ULK4: variants seen among roughly 807,000 people sequenced by gnomAD.
ULK4 encodes inactive serine/threonine-protein kinase ULK4.
In ULK4, 133 loss-of-function variants were observed where a neutral mutation model predicts 160.6. That is an observed-to-expected ratio of 0.83 (90% CI 0.72 to 0.96). The LOEUF (loss-of-function observed/expected upper bound fraction) is 0.96. Among genes scored for constraint, ULK4 ranks in the 40% least tolerant of loss-of-function variants. The probability of loss-of-function intolerance (pLI) is 0.00; values close to 1 mark genes in which losing one functional copy is unlikely to be tolerated. For synonymous variants in ULK4, 534 were observed against 539.8 expected (o/e 0.99, Z 0.15); for missense variants, 1,580 against 1,499.5 (o/e 1.05, Z -0.89).
At chr3:41,604,130 T>C (rs1042608854) in intron 31 of ULK4, among the ~76,000 whole-genome samples, 14 of 151,900 alleles carry the variant, frequency 9.2e-5, no homozygotes, top group African/African-American at 3.4e-4. Context: ...GGAGAGGTAA[T>C]AGTAAAAGCA....
intron 35 of ULK4, among the ~76,000 whole-genome samples, chr3:41,375,232 C>A (rs933633322): frequency 2.0e-5 from 3 of 152,190 alleles, no homozygotes; most frequent in African/African-American, 7.2e-5. Flanking sequence ...AGATTCAATG[C>A]GATTCCCATC....
At chr3:41,939,499 T>TC (rs1229611770) in intron 2 of ULK4, among the ~76,000 whole-genome samples, 1 of 151,108 alleles carries the variant, frequency 6.6e-6, no homozygotes, top group East Asian at 2.0e-4. Context: ...AATTATCCTT[T>TC]TTTTCTTCTA....
intron 21 of ULK4, among the ~76,000 whole-genome samples, chr3:41,765,129 T>C (rs2039115795): frequency 6.6e-6 from 1 of 152,212 alleles, no homozygotes; most frequent in East Asian, 1.9e-4. Context: ...TGAGGCGCTA[T>C]TCACAATAGC....
In ULK4 at chr3:41,466,102, T is replaced by C. The variant is rs79409726; in HGVS notation, c.3227-2849A>G. On this transcript the variant is annotated intron_variant, in intron 32 of 36. Transcript: ENST00000301831. ...TTTGTATGCTCAATATGTCCTATCT[T>C]TGGCCACTAAGAGCTCCTTGAAAGT... Among the ~76,000 whole-genome samples the C allele has an allele frequency of 0.047, 7,088 of 152,266 alleles. 743 individuals are homozygous for C. In the East Asian group the frequency reaches 0.49, roughly 10 times the overall value.
intron 2 of ULK4, among the ~76,000 whole-genome samples, chr3:41,940,468 A>C (rs1699915410): frequency 6.6e-6 from 1 of 152,130 alleles, no homozygotes; most frequent in Non-Finnish European, 1.5e-5. Flanking sequence ...ACAAGCCTGG[A>C]CAATATAGTA....
Position 41,789,818 on chromosome 3 carries a change from G to A in ULK4, c.2036C>T (p.Ser679Phe). Reference sequence around the variant, plus strand: ...AATAACATTCTGGAAGGCAGTAGGAGAATGGCGAGTGATTCTACACAAGGC... The same window carrying A: ...AATAACATTCTGGAAGGCAGTAGGAAAATGGCGAGTGATTCTACACAAGGC... ...VSALCRITRHSPTAFQNVIEK... is the reference protein window; with the variant it reads ...VSALCRITRHFPTAFQNVIEK... Residue 679 changes from serine (S) to phenylalanine (F), a missense_variant, in exon 21 of 37, where the codon TCT becomes TTT. By Grantham distance (155) the Ser-to-Phe change is radical (BLOSUM62 -2). Coordinates refer to ENST00000301831, the MANE Select transcript of ULK4 (RefSeq NM_017886.4). 4.3e-6 allele frequency: 7 copies of A among 1,612,146 alleles called. No individual in the cohort carries two copies. Among genetic ancestry groups the A allele is most frequent in the Non-Finnish European group, 5.9e-6 (7 of 1,179,236 alleles).
chr3:41,360,874 G>GC (rs2081129038), intron 35 of ULK4, among the ~76,000 whole-genome samples: 1 of 151,884 alleles, frequency 6.6e-6, no homozygotes, highest in Admixed American at 6.6e-5. Context: ...CATAGCACAC[G>GC]TTTACCTATG....
intron 22 of ULK4, among the ~76,000 whole-genome samples, chr3:41,739,477 T>C (rs1283369912): frequency 6.6e-6 from 1 of 151,886 alleles, no homozygotes; most frequent in African/African-American, 2.4e-5. Flanking sequence ...AAATAATACA[T>C]TGTGTTGCAC....
intron 30 of ULK4, among the ~76,000 whole-genome samples, chr3:41,643,956 T>G (rs1216676262): frequency 6.6e-6 from 1 of 152,164 alleles, no homozygotes; most frequent in African/African-American, 2.4e-5. Context: ...TTGAAGCAAT[T>G]GTGAATGGGA....
rs578179676 is a variant in ULK4 at position 41,708,431 on chromosome 3, G to A, written c.2635-3126C>T. ...AAGTGAAAGGAGCCAGGCACAGAAA[G>A]ACAAATATCATGTGGTCTCACTTAC... On this transcript the variant is annotated intron_variant, in intron 25 of 36. Coordinates refer to ENST00000301831, the MANE Select transcript of ULK4 (RefSeq NM_017886.4). Among the ~76,000 whole-genome samples the A allele has an allele frequency of 3.9e-4, 60 of 152,268 alleles. 1 individual carries two copies. In the Middle Eastern group the frequency reaches 0.01, roughly 26 times the overall value.
intron 32 of ULK4, among the ~76,000 whole-genome samples, chr3:41,528,180 T>C (rs1452351220): frequency 6.6e-6 from 1 of 152,196 alleles, no homozygotes; most frequent in African/African-American, 2.4e-5. Context: ...AATAACCAGA[T>C]AAGGCAGGAG....
chr3:41,520,242 C>T (rs1181840519), intron 32 of ULK4, among the ~76,000 whole-genome samples: 5 of 152,066 alleles, frequency 3.3e-5, no homozygotes, highest in Non-Finnish European at 7.4e-5. Flanking sequence ...CCTGGTAACC[C>T]CTGTTCTACT....
At chr3:41,296,143 C>T (rs928950108) in intron 35 of ULK4, among the ~76,000 whole-genome samples, 5 of 152,258 alleles carry the variant, frequency 3.3e-5, no homozygotes, top group Admixed American at 2.0e-4. Context: ...GCAGGTTCAT[C>T]GACTGTGACA....
At chr3:41,401,391 A>G (rs2082175617) in intron 34 of ULK4, among the ~76,000 whole-genome samples, 1 of 152,158 alleles carries the variant, frequency 6.6e-6, no homozygotes, top group Non-Finnish European at 1.5e-5. Context: ...ATTCTTGGAA[A>G]GGCTATTGTT....
At chr3:41,934,732 T>C (rs527957830) in intron 4 of ULK4, among the ~76,000 whole-genome samples, 1 of 152,274 alleles carries the variant, frequency 6.6e-6, no homozygotes, top group South Asian at 2.1e-4. Context: ...CATTTAGTTA[T>C]GGATAATTAA....
chr3:41,506,771 T>TATATATAAATATATAA (rs1559658115), intron 32 of ULK4, among the ~76,000 whole-genome samples: 4 of 26,338 alleles, frequency 1.5e-4, no homozygotes, highest in South Asian at 1.5e-3. Context: ...ATTTAAAATA[T>TATATATAAATATATAA]ATATATATAT....
At chr3:41,705,194 C>T in intron 26 of ULK4, 43 bp from the exon 27 acceptor site, 1 of 1,609,138 alleles carries the variant, frequency 6.2e-7, no homozygotes, top group East Asian at 2.2e-5. Context: ...TTTACATGTT[C>T]TAAATCATAA....
chr3:41,510,512 A>G (rs1040868466), intron 32 of ULK4, among the ~76,000 whole-genome samples: 2 of 152,200 alleles, frequency 1.3e-5, no homozygotes, highest in Non-Finnish European at 1.5e-5. Flanking sequence ...CATTCTACCC[A>G]ACTACTATAG....
chr3:41,950,640 C>T (rs1005764319), intron 2 of ULK4, among the ~76,000 whole-genome samples: 2 of 151,834 alleles, frequency 1.3e-5, no homozygotes, highest in African/African-American at 4.8e-5. Context: ...TCGCCTGCCT[C>T]GGTCTCTCCA....
Sources: gnomAD v4.1 joint callset for allele counts (sites outside exome capture counted in the v4.1 genomes callset) on GRCh38, gnomAD v4.1.1 for gene constraint, MANE v1.5 for transcripts, NCBI Gene and HGNC (gene_info 2026-07-23, HGNC 2026-07-21) for gene names.